The following FAM13B variants were observed in gnomAD, a reference collection of about 807,000 sequenced individuals.
The protein encoded by FAM13B is protein FAM13B.
FAM13B carries 60 observed loss-of-function variants against 117.3 expected under a neutral mutation model. The observed-to-expected ratio is 0.51, with a 90% confidence interval of 0.42 to 0.63. The LOEUF is 0.63. FAM13B is among the 30% of genes least tolerant of loss of function. FAM13B has a pLI of 0.00. For synonymous variants in FAM13B, 332 were observed against 356.1 expected (o/e 0.93, Z 0.76); for missense variants, 972 against 1,091.9 (o/e 0.89, Z 1.55).
At chr5:137,972,381 G>A (rs1772469140) in intron 10 of FAM13B, among the ~76,000 whole-genome samples, 1 of 152,164 alleles carries the variant, frequency 6.6e-6, no homozygotes, top group African/African-American at 2.4e-5. Flanking sequence ...CTCAATAGAT[G>A]CAGAAAAGGC....
intron 1 of FAM13B, among the ~76,000 whole-genome samples, chr5:138,028,794 G>A (rs1050250929): frequency 1.3e-5 from 2 of 152,128 alleles, no homozygotes; most frequent in African/African-American, 4.8e-5. Context: ...CAAGGCAGGC[G>A]GATCACCTGA....
Position 137,954,321 on chromosome 5 carries a change from C to A in FAM13B, c.1563G>T (p.Gln521His). ...TCATTCTTCCAGCTTGTGGAGACAG[C>A]TGAGCTTCTCCAGACTCAGAGTCCT... ...WQEDSESGEA[Q>H]LSPQAGRMNH... The change falls in exon 15 of 24, where the codon CAG becomes CAT. Residue 521 changes from glutamine (Q) to histidine (H), a missense_variant. By Grantham distance (24) the Gln-to-His change is conservative. Transcript: ENST00000689681. The A allele has an allele frequency of 6.2e-7, 1 of 1,613,990 alleles. No homozygotes were observed. The highest frequency in any genetic ancestry group is 8.5e-7 in the Non-Finnish European group (1 of 1,179,998).
At chr5:138,048,872 A>G (rs977685201) in intron 1 of FAM13B, among the ~76,000 whole-genome samples, 1 of 151,924 alleles carries the variant, frequency 6.6e-6, no homozygotes, top group Non-Finnish European at 1.5e-5. Context: ...CACTACCTCA[A>G]TGTCAGTCTC....
Position 137,943,224 on chromosome 5 carries a change from A to G in FAM13B, c.2341-8T>C, listed in dbSNP as rs1360155146. On this transcript the variant is annotated splice_region_variant and splice_polypyrimidine_tract_variant and intron_variant, in intron 20 of 23. Transcript: ENST00000689681. Reference sequence around the variant, plus strand: ...CTTGGTGGATGGAGATCCCTATAACAATCAATAATATAAATAGTTTTACAT... The same window carrying G: ...CTTGGTGGATGGAGATCCCTATAACGATCAATAATATAAATAGTTTTACAT... The G allele has an allele frequency of 1.2e-6, 2 of 1,603,436 alleles. No individual in the cohort carries two copies. The highest frequency in any genetic ancestry group is 2.7e-5 in the African/African-American group (2 of 74,824).
intron 7 of FAM13B, among the ~76,000 whole-genome samples, chr5:138,005,692 G>T (rs1431051978): frequency 7.9e-5 from 12 of 152,012 alleles, no homozygotes; most frequent in African/African-American, 2.2e-4. Flanking sequence ...GAATAAACAT[G>T]TTAATATAAC....
intron 10 of FAM13B, among the ~76,000 whole-genome samples, chr5:137,981,257 T>C (rs1775662400): frequency 6.6e-6 from 1 of 151,726 alleles, no homozygotes; most frequent in Admixed American, 6.6e-5. Context: ...TTTAATCTAA[T>C]AGTGGGAGAC....
intron 10 of FAM13B, among the ~76,000 whole-genome samples, chr5:137,969,405 TG>T (rs1215216718): frequency 2.0e-5 from 3 of 152,216 alleles, no homozygotes; most frequent in Non-Finnish European, 4.4e-5. Context: ...GGGTCCTGTC[TG>T]TTAGAAGGAA....
intron 1 of FAM13B, among the ~76,000 whole-genome samples, chr5:138,026,819 A>G (rs1287974316): frequency 1.3e-5 from 2 of 151,258 alleles, no homozygotes; most frequent in Non-Finnish European, 2.9e-5. Flanking sequence ...CACGCCTTTA[A>G]TCACAGCTAC....
At chr5:138,029,601 T>G (rs1039511121) in intron 1 of FAM13B, among the ~76,000 whole-genome samples, 1 of 152,198 alleles carries the variant, frequency 6.6e-6, no homozygotes, top group Non-Finnish European at 1.5e-5. Flanking sequence ...CTTTACACCT[T>G]TCCAAACACT....
intron 7 of FAM13B, among the ~76,000 whole-genome samples, chr5:137,990,078 T>C (rs184200927): frequency 4.6e-5 from 7 of 152,362 alleles, no homozygotes; most frequent in African/African-American, 1.7e-4. Flanking sequence ...AATCATTTTC[T>C]GATATTTTGC....
intron 7 of FAM13B, among the ~76,000 whole-genome samples, chr5:137,994,849 T>C (rs953416773): frequency 5.3e-5 from 8 of 152,224 alleles, no homozygotes; most frequent in Non-Finnish European, 1.2e-4. Flanking sequence ...GAACATAAGA[T>C]CAATCTTGCA....
In FAM13B at chr5:137,987,486, A is replaced by G. The variant is rs1448711511; in HGVS notation, c.1021T>C (p.Cys341Arg). 7 of 1,612,324 alleles carry G rather than the reference A, an allele frequency of 4.3e-6. No homozygotes were observed. Among genetic ancestry groups the G allele is most frequent in the Non-Finnish European group, 5.9e-6 (7 of 1,179,234 alleles). The change falls in exon 9 of 24, where the codon TGT (cysteine) becomes CGT (arginine). Residue 341 changes from cysteine (C) to arginine (R), a missense_variant. Cys to Arg is a radical substitution (Grantham distance 180). Transcript: ENST00000689681. ...VCNNEAESIH[C>R]DGEGSNNQID... ...TGGTTATTAGATCCTTCCCCATCAC[A>G]ATGAATACTTTCTGCTTCATTATTA...
chr5:137,940,065 C>T lies in FAM13B; in HGVS notation c.*160G>A. ...ACGCTCCCTTGAGAGGGCCTACTTA[C>T]TCTCCCATCATTTGTTTTGTTTAGT... On this transcript the variant is annotated 3_prime_UTR_variant, in exon 24 of 24. Transcript: ENST00000689681. 6.2e-7 allele frequency: 1 copy of T among 1,614,014 alleles called. No individual in the cohort carries two copies. Among genetic ancestry groups the T allele is most frequent in the Non-Finnish European group, 8.5e-7 (1 of 1,179,950 alleles).
intron 1 of FAM13B, among the ~76,000 whole-genome samples, chr5:138,030,280 T>A (rs984378714): frequency 1.1e-4 from 16 of 152,180 alleles, no homozygotes; most frequent in African/African-American, 3.6e-4. Flanking sequence ...AGGGTCTCAC[T>A]CTGTCCCCCA....
At position 137,939,759 on chromosome 5, in the gene FAM13B, A is replaced by C; in HGVS notation, c.*466T>G. 2 of 715,658 alleles carry C rather than the reference A, an allele frequency of 2.8e-6. No homozygotes were observed. Among genetic ancestry groups the C allele is most frequent in the Non-Finnish European group, 3.6e-6 (2 of 551,488 alleles). The allele number at this position is 715,658 out of a possible 1,614,324, so 44.3% of individuals were successfully genotyped here. On this transcript the variant is annotated 3_prime_UTR_variant, in exon 24 of 24. Transcript: ENST00000689681. ...AGGAAAACAGAGAACACAGTTGCGT[A>C]TGTGCACTTTTATAGGCTTTTCTTT...
In FAM13B at chr5:137,983,158, A is replaced by G. The variant is rs1032238229; in HGVS notation, c.1179+2099T>C. Among the ~76,000 whole-genome samples, 13 of 143,248 alleles carry G rather than the reference A, an allele frequency of 9.1e-5. 1 individual carries two copies. Among genetic ancestry groups the G allele is most frequent in the Non-Finnish European group, 1.5e-5 (1 of 66,202 alleles). 94.0% of individuals were successfully genotyped at this position (143,248 alleles called of 152,430 possible). A position where few individuals can be genotyped will look rare whatever the true frequency, so the allele number is the denominator to read the frequency against. ...GAGCAATCAGCAGAGGGGAATGAGA[A>G]AGAACAGCCAGTGTAGGTAAAAAAA... On this transcript the variant is annotated intron_variant, in intron 10 of 23. Transcript: ENST00000689681.
chr5:137,949,357 G>A (rs189477144), intron 17 of FAM13B, among the ~76,000 whole-genome samples, 173 bp from the exon 18 acceptor site: 160 of 152,284 alleles, frequency 1.1e-3, no homozygotes, highest in Non-Finnish European at 1.9e-3. Context: ...GCTATTCTAG[G>A]CTGGGTGTGG....
chr5:138,031,403 G>A (rs1311786095), intron 1 of FAM13B, among the ~76,000 whole-genome samples: 1 of 152,108 alleles, frequency 6.6e-6, no homozygotes, highest in Non-Finnish European at 1.5e-5. Flanking sequence ...AAAGTAAGAA[G>A]GGGGCAAGGC....
At chr5:137,968,762 C>T (rs975966688) in intron 10 of FAM13B, among the ~76,000 whole-genome samples, 4 of 152,296 alleles carry the variant, frequency 2.6e-5, no homozygotes, top group Non-Finnish European at 5.9e-5. Flanking sequence ...GCATCGTGCG[C>T]GAGCCAAAGC....
Sources: allele counts gnomAD v4.1 joint callset (sites outside exome capture counted in the v4.1 genomes callset), GRCh38; gene constraint gnomAD v4.1.1; transcripts MANE v1.5; gene names NCBI Gene and HGNC (gene_info 2026-07-23, HGNC 2026-07-21).